DFFB: variants seen among roughly 807,000 people sequenced by gnomAD.
The protein encoded by DFFB is DNA fragmentation factor subunit beta.
Under a neutral mutation model 32.7 loss-of-function variants are expected in DFFB, and 29 were observed. The observed-to-expected ratio is 0.89, with a 90% CI of 0.66 to 1.21. DFFB has a LOEUF of 1.21. Ranked by LOEUF, DFFB falls within the 50% of genes most tolerant of loss-of-function variation. The pLI is 0.00. For synonymous variants in DFFB, 170 were observed against 177.1 expected, an observed-to-expected ratio of 0.96 and a Z score of 0.32; for missense variants, 398 against 440.6, an observed-to-expected ratio of 0.90 and a Z score of 0.87.
intron 6 of DFFB, among the ~76,000 whole-genome samples, chr1:3,877,806 A>G (rs1645254779): frequency 6.6e-6 from 1 of 152,052 alleles, no homozygotes; most frequent in African/African-American, 2.4e-5. Context: ...GTAGATGTTC[A>G]TAACACTCAG....
Position 3,883,805 on chromosome 1 carries a change from C to T in DFFB, c.*64C>T, listed in dbSNP as rs1174655106. On this transcript the variant is annotated 3_prime_UTR_variant, in exon 7 of 7. Coordinates refer to ENST00000378209, the MANE Select transcript of DFFB (RefSeq NM_004402.4). ...ACGTGGGCATCATTTTAACAGGTGC[C>T]TTTTTTGTTTTTTTGTTTTTCGTTT... 6.8e-7 allele frequency: 1 copy of T among 1,471,544 alleles called. No individual in the cohort carries two copies. Among genetic ancestry groups the T allele is most frequent in the African/African-American group, 1.4e-5 (1 of 70,428 alleles). 91.2% of individuals were successfully genotyped at this position (1,471,544 alleles called of 1,614,324 possible). A position where few individuals can be genotyped will look rare whatever the true frequency, so the allele number is the denominator to read the frequency against.
rs1002447522 is a variant in DFFB, at chr1:3,870,693, G to A, written c.681+918G>A. Among the ~76,000 whole-genome samples the A allele has an allele frequency of 3.3e-5, 5 of 152,158 alleles. 1 individual carries two copies. The highest frequency in any genetic ancestry group is 2.0e-4 in the Admixed American group (3 of 15,276). ...AGGAGGCCAAGGGGCTGCAGGAGCC[G>A]CAGCCAGCATCCTGGGAGCCAGGGC... On this transcript the variant is annotated intron_variant, in intron 5 of 6. Coordinates refer to ENST00000378209, the MANE Select transcript of DFFB (RefSeq NM_004402.4).
Position 3,865,984 on chromosome 1 carries a change from C to G in DFFB, c.414C>G (p.Asp138Glu), listed in dbSNP as rs904405024. Residue 138 changes from aspartate to glutamate, a missense_variant, in exon 3 of 7, where the codon GAC becomes GAG. Asp to Glu is a conservative substitution (Grantham distance 45). Transcript: ENST00000378209. The surrounding 1 kb of genome is among the most constrained non-coding windows in gnomAD (Gnocchi z 4.7). ...TCGCGGCCGAGACCCGGGCTGAGGA[C>G]CCGCCGTGGTTTGAAGGTGCGTGGG... ...QNIAAETRAE[D>E]PPWFEGLESR... is the part of the protein sequence containing the mutation. 5 of 1,569,208 alleles carry G rather than the reference C, an allele frequency of 3.2e-6. No individual in the cohort carries two copies. The highest frequency in any genetic ancestry group is 3.5e-5 in the Admixed American group (2 of 56,930).
intron 2 of DFFB, among the ~76,000 whole-genome samples, chr1:3,860,788 C>T (rs2124725222): frequency 6.6e-6 from 1 of 152,274 alleles, no homozygotes; most frequent in Non-Finnish European, 1.5e-5. Flanking sequence ...ATCCTGCCTA[C>T]CCCTGCCCAC....
chr1:3,872,614 G>GAGCCCTGTCCCTGCCGC lies in DFFB; in HGVS notation c.782+42_782+43insAGCCCTGTCCCTGCCGC, dbSNP rs202183040. 4 of 959,750 alleles carry GAGCCCTGTCCCTGCCGC rather than the reference G, an allele frequency of 4.2e-6. No homozygotes were observed. In the South Asian group the frequency reaches 5.6e-5, roughly 13 times the overall value. The allele number at this position is 959,750 out of a possible 1,614,324, so 59.5% of individuals were successfully genotyped here. A position where few individuals can be genotyped will look rare whatever the true frequency, so the allele number is the denominator to read the frequency against. On this transcript the variant is annotated intron_variant, in intron 6 of 6. Transcript: ENST00000378209. ...AGGTTCAGACCCACGAGTGCCTGCA[G>GAGCCCTGTCCCTGCCGC]GGCCCTGTCCCTGCCGTGGCCCTGT...
chr1:3,877,328 G>GC (rs779320099), intron 6 of DFFB, among the ~76,000 whole-genome samples: 1 of 113,894 alleles, frequency 8.8e-6, no homozygotes, highest in African/African-American at 3.6e-5. Context: ...TGGGAGTTCA[G>GC]TTTTTTTTTT....
At chr1:3,857,881 C>T (rs1644784524) in intron 1 of DFFB, among the ~76,000 whole-genome samples, 164 bp downstream of exon 1, 1 of 152,208 alleles carries the variant, frequency 6.6e-6, no homozygotes, top group South Asian at 2.1e-4. Flanking sequence ...GCCTGGGGTT[C>T]CTGAGCGTGG....
At chr1:3,868,672 ACACCAC>A (rs1645042823) in intron 4 of DFFB, among the ~76,000 whole-genome samples, 1 of 151,418 alleles carries the variant, frequency 6.6e-6, no homozygotes, top group Non-Finnish European at 1.5e-5. Flanking sequence ...ACACCACACC[ACACCAC>A]GCCACACCAC....
rs1644816710 is a variant in DFFB, at chr1:3,858,783, C to T, written c.180C>T (p.Phe60=). Residue 60 remains phenylalanine, a synonymous_variant, in exon 2 of 7, where the codon TTC becomes TTT. Coordinates refer to ENST00000378209, the MANE Select transcript of DFFB (RefSeq NM_004402.4). ...EDGTELTEDY[F]PSVPDNAELV... is the part of the protein sequence containing the mutation. ...GCACGGAGCTGACGGAAGATTACTT[C>T]CCCAGTGTTCCCGACAACGCCGAGC... 6.2e-7 allele frequency: 1 copy of T among 1,614,172 alleles called. No individual in the cohort carries two copies. Among genetic ancestry groups the T allele is most frequent in the Non-Finnish European group, 8.5e-7 (1 of 1,180,058 alleles).
intron 2 of DFFB, among the ~76,000 whole-genome samples, chr1:3,862,963 A>C (rs1470006382): frequency 1.3e-5 from 2 of 152,182 alleles, no homozygotes; most frequent in African/African-American, 4.8e-5. Context: ...AGCCTGGCCA[A>C]CATGGTGAAA....
Position 3,872,909 on chromosome 1 carries a change from G to C in DFFB, c.782+337G>C, listed in dbSNP as rs896122031. On this transcript the variant is annotated intron_variant, in intron 6 of 6. Transcript: ENST00000378209. ...CACAGGTCCCAGCCCTTGGCTGTCA[G>C]AGGTTCTGAACCTCTGTGAGTTTGA... The C allele has an allele frequency of 5.3e-5, 64 of 1,215,062 alleles. No individual in the cohort carries two copies. The African/African-American group carries it at 9.4e-4, about 18-fold the overall frequency. The allele number at this position is 1,215,062 out of a possible 1,614,324, so 75.3% of individuals were successfully genotyped here. A position where few individuals can be genotyped will look rare whatever the true frequency, so the allele number is the denominator to read the frequency against.
At chr1:3,872,618 C>T (rs201229465) in intron 6 of DFFB, 46 bp downstream of exon 6, 14 of 1,542,326 alleles carry the variant, frequency 9.1e-6, no homozygotes, top group East Asian at 2.3e-5. Flanking sequence ...CCTGCAGGGC[C>T]CTGTCCCTGC....
intron 5 of DFFB, among the ~76,000 whole-genome samples, chr1:3,870,230 C>T (rs111737584): frequency 0.015 from 2,320 of 152,278 alleles, 46 homozygotes; most frequent in South Asian, 0.047. Flanking sequence ...GTGTCTCTGG[C>T]GAGTCCTGGG....
chr1:3,869,587 G>T lies in DFFB; in HGVS notation c.511-18G>T. 6.3e-7 allele frequency: 1 copy of T among 1,595,236 alleles called. No homozygotes were observed. The highest frequency in any genetic ancestry group is 8.6e-7 in the Non-Finnish European group (1 of 1,169,386). On this transcript the variant is annotated intron_variant, in intron 4 of 6. Transcript: ENST00000378209. The stretch of plus-strand genomic sequence containing the variant: ...GGCGCTGTGCACCAGGCTCACCGAC[G>T]TTCCTTGGTTCCTCCAGGTGAGCTC...
chr1:3,860,793 G>A (rs961916835), intron 2 of DFFB, among the ~76,000 whole-genome samples: 29 of 151,948 alleles, frequency 1.9e-4, no homozygotes, highest in African/African-American at 6.8e-4. Context: ...GCCTACCCCT[G>A]CCCACCAGCA....
intron 6 of DFFB, among the ~76,000 whole-genome samples, chr1:3,878,474 C>T (rs1230919171): frequency 1.3e-5 from 2 of 152,186 alleles, no homozygotes; most frequent in East Asian, 1.9e-4. Context: ...CTCTGTTGAC[C>T]GTTTTGTTGA....
rs149960910 is a variant in DFFB at position 3,880,225 on chromosome 1, C to T, written c.783-3282C>T. On this transcript the variant is annotated intron_variant, in intron 6 of 6. Coordinates refer to ENST00000378209, the MANE Select transcript of DFFB (RefSeq NM_004402.4). Reference sequence around the variant, plus strand: ...TGGTGAGCTTCCTGGTTGGCAGTGTCGTCACAGAGGGCTGTGGAAGTTAGT... The same window carrying T: ...TGGTGAGCTTCCTGGTTGGCAGTGTTGTCACAGAGGGCTGTGGAAGTTAGT... Among the ~76,000 whole-genome samples, 245 of 152,230 alleles carry T rather than the reference C, an allele frequency of 1.6e-3. 2 individuals carry two copies. The highest frequency in any genetic ancestry group is 5.3e-3 in the African/African-American group (222 of 41,552).
intron 6 of DFFB, among the ~76,000 whole-genome samples, chr1:3,877,944 T>C (rs1162861859): frequency 1.3e-5 from 2 of 152,146 alleles, no homozygotes; most frequent in Non-Finnish European, 2.9e-5. Context: ...TTTGGGCTTA[T>C]CTCTTGTTAG....
At chr1:3,861,085 T>C (rs1350402327) in intron 2 of DFFB, among the ~76,000 whole-genome samples, 2 of 141,834 alleles carry the variant, frequency 1.4e-5, no homozygotes, top group African/African-American at 5.3e-5. Flanking sequence ...GCCCAGCAGG[T>C]GGAGGTTGCA....
Sources: gnomAD v4.1 joint callset for allele counts (sites outside exome capture counted in the v4.1 genomes callset) on GRCh38, gnomAD v4.1.1 for gene constraint, Gnocchi (gnomAD v3.1) non-coding constraint, MANE v1.5 for transcripts, NCBI Gene and HGNC (gene_info 2026-07-23, HGNC 2026-07-21) for gene names.